ZYX: variants seen among roughly 807,000 people sequenced by gnomAD.
ZYX encodes zyxin.
A neutral mutation model predicts 58.1 loss-of-function variants in ZYX; 37 were observed. That is an observed-to-expected ratio of 0.64 (90% CI 0.49 to 0.84). ZYX has a LOEUF of 0.84. Among genes scored for constraint, ZYX ranks in the 40% least tolerant of loss-of-function variants. The pLI is 0.00. For missense variants in ZYX, 762 were observed against 761.6 expected (o/e 1.00, Z -0.01); for synonymous variants, 324 against 321.1 (o/e 1.01, Z -0.10).
chr7:143,389,775 T>C lies in ZYX; in HGVS notation c.1494-82T>C. The C allele has an allele frequency of 5.1e-6, 8 of 1,570,458 alleles. No individual in the cohort carries two copies. The highest frequency in any genetic ancestry group is 1.1e-5 in the South Asian group (1 of 87,022). On this transcript the variant is annotated intron_variant, in intron 8 of 9. Coordinates refer to ENST00000322764, the MANE Select transcript of ZYX (RefSeq NM_003461.5). This position sits in a 1 kb window ranked among gnomAD's most constrained non-coding sequence, Gnocchi z 5.6. ...TGCAGGGCAGAGAAGTCTGCTTCCT[T>C]GCTGCCCAACCTGGCTTATGCGTGC...
intron 3 of ZYX, 25 bp downstream of exon 3, chr7:143,382,472 T>G: frequency 6.3e-7 from 1 of 1,586,534 alleles, no homozygotes. Flanking sequence ...GAGGGGCGGC[T>G]GCACTGGACA....
intron 3 of ZYX, 57 bp from the exon 4 acceptor site, chr7:143,382,536 C>A: frequency 1.2e-6 from 2 of 1,601,814 alleles, no homozygotes; most frequent in Non-Finnish European, 1.7e-6. Context: ...TGCACCTCTG[C>A]CTTGGGGGTG....
At position 143,389,829 on chromosome 7, in the gene ZYX, C is replaced by T. The variant is rs1298250525; in HGVS notation, c.1494-28C>T. 1 of 1,612,210 alleles carries T rather than the reference C, an allele frequency of 6.2e-7. No homozygotes were observed. On this transcript the variant is annotated intron_variant, in intron 8 of 9. Coordinates refer to ENST00000322764, the MANE Select transcript of ZYX (RefSeq NM_003461.5). The surrounding 1 kb of genome is among the most constrained non-coding windows in gnomAD (Gnocchi z 5.6). ...CACCGGGGATGAAAGCCCTGGCTAA[C>T]TCGGCTGGCCCTTTCTGCCCCTTCC...
At position 143,390,246 on chromosome 7, in the gene ZYX, A is replaced by T. The variant is rs550420667; in HGVS notation, c.1614+269A>T. On this transcript the variant is annotated intron_variant, in intron 9 of 9. Transcript: ENST00000322764. The surrounding 1 kb of genome is among the most constrained non-coding windows in gnomAD (Gnocchi z 4.3). Reference sequence around the variant, plus strand: ...GGAGAGAAGAAGGGCATGGTGTTTTACCGTGGTAGGGGATGGGGAAACAGG... The same window carrying T: ...GGAGAGAAGAAGGGCATGGTGTTTTTCCGTGGTAGGGGATGGGGAAACAGG... 1.9e-3 allele frequency: 1,063 copies of T among 547,358 alleles called. 5 individuals carry two copies. The highest frequency in any genetic ancestry group is 6.9e-3 in the Middle Eastern group (14 of 2,016). 33.9% of individuals were successfully genotyped at this position (547,358 alleles called of 1,614,324 possible).
intron 3 of ZYX, 25 bp from the exon 4 acceptor site, chr7:143,382,568 G>A: frequency 6.2e-7 from 1 of 1,612,520 alleles, no homozygotes; most frequent in Non-Finnish European, 8.5e-7. Context: ...GCATGGAATA[G>A]GTGCTCTGAC....
rs374169410 is a variant in ZYX, at chr7:143,388,223, G to A, written c.1028G>A (p.Arg343His). 137 of 1,602,912 alleles carry A rather than the reference G, an allele frequency of 8.5e-5. No individual in the cohort carries two copies. Among genetic ancestry groups the A allele is most frequent in the Non-Finnish European group, 1.1e-4 (125 of 1,174,696 alleles). Residue 343 changes from arginine to histidine, a missense_variant, in exon 6 of 10, where the codon CGC (arginine) becomes CAC (histidine). Transcript: ENST00000322764. This position sits in a 1 kb window ranked among gnomAD's most constrained non-coding sequence, Gnocchi z 7.5. ...PPPAQNQNQVRSPGAPGPLTL... is the reference protein window; with the variant it reads ...PPPAQNQNQVHSPGAPGPLTL... ...AGGAAAATGTTGGGATTGCAGGTGC[G>A]CTCCCCTGGGGCCCCAGGGCCCCTG...
At chr7:143,382,756 G>T in intron 4 of ZYX, 45 bp from the exon 5 acceptor site, 1 of 1,613,082 alleles carries the variant, frequency 6.2e-7, no homozygotes, top group Non-Finnish European at 8.5e-7. Context: ...AAGGAGGATG[G>T]TGTCCTCCTG....
Position 143,381,730 on chromosome 7 carries a change from G to A in ZYX, c.159G>A (p.Gln53=), listed in dbSNP as rs2116548769. The A allele has an allele frequency of 1.3e-6, 2 of 1,599,796 alleles. No homozygotes were observed. Among genetic ancestry groups the A allele is most frequent in the South Asian group, 2.2e-5 (2 of 89,392 alleles). Residue 53 remains glutamine, a synonymous_variant, in exon 2 of 10, where the codon CAG becomes CAA. Coordinates refer to ENST00000322764, the MANE Select transcript of ZYX (RefSeq NM_003461.5). ...DSEPPPAPGA[Q]RAQMGRVGEI... ...AGCCTCCCCCGGCACCCGGGGCCCA[G>A]CGCGCACAGATGGGCCGGGTGGGCG...
rs1805018089 is a variant in ZYX at position 143,390,147 on chromosome 7, G to A, written c.1614+170G>A. On this transcript the variant is annotated intron_variant, in intron 9 of 9. Transcript: ENST00000322764. This position sits in a 1 kb window ranked among gnomAD's most constrained non-coding sequence, Gnocchi z 4.3. ...TCCTGCCAGAATGCTTCCTGCCACT[G>A]CAGGAAATGGGGCTGTGGGGCTTCT... 1 of 915,812 alleles carries A rather than the reference G, an allele frequency of 1.1e-6. No homozygotes were observed. Among genetic ancestry groups the A allele is most frequent in the Non-Finnish European group, 1.6e-6 (1 of 618,028 alleles). 56.7% of individuals were successfully genotyped at this position (915,812 alleles called of 1,614,324 possible).
Position 143,390,483 on chromosome 7 carries a change from T to C in ZYX, c.1615-95T>C. On this transcript the variant is annotated intron_variant, in intron 9 of 9. Coordinates refer to ENST00000322764, the MANE Select transcript of ZYX (RefSeq NM_003461.5). The surrounding 1 kb of genome is among the most constrained non-coding windows in gnomAD (Gnocchi z 4.3). ...CACCAGCTCTGAGCCATGAAGCATC[T>C]TTCTAATTCCAAGATGGAGCTGGAT... The C allele has an allele frequency of 1.1e-6, 1 of 922,426 alleles. No individual in the cohort carries two copies. The highest frequency in any genetic ancestry group is 1.5e-5 in the South Asian group (1 of 65,974). The allele number at this position is 922,426 out of a possible 1,614,324, so 57.1% of individuals were successfully genotyped here.
At position 143,388,502 on chromosome 7, in the gene ZYX, A is replaced by G; in HGVS notation, c.1158A>G (p.Arg386=). The change falls in exon 7 of 10, where the codon CGA becomes CGG. Residue 386 remains arginine, a synonymous_variant. Transcript: ENST00000322764. The surrounding 1 kb of genome is among the most constrained non-coding windows in gnomAD (Gnocchi z 7.5). ...QNVAVNELCG[R]CHQPLARAQP... ...TGGCCTTCCCAGAACTCTGCGGCCG[A>G]TGCCATCAACCCCTGGCCCGGGCGC... 6.2e-7 allele frequency: 1 copy of G among 1,610,068 alleles called. No individual in the cohort carries two copies. The highest frequency in any genetic ancestry group is 8.5e-7 in the Non-Finnish European group (1 of 1,179,592).
intron 2 of ZYX, 144 bp from the exon 3 acceptor site, chr7:143,382,104 C>A: frequency 1.6e-6 from 1 of 615,132 alleles, no homozygotes. Context: ...ACTCCCAGGG[C>A]GCCCTGCGCC....
chr7:143,390,227 A>G lies in ZYX; in HGVS notation c.1614+250A>G. On this transcript the variant is annotated intron_variant, in intron 9 of 9. Transcript: ENST00000322764. The surrounding 1 kb of genome is among the most constrained non-coding windows in gnomAD (Gnocchi z 4.3). ...GAAATGGGACAAGCCAATAGGAGAG[A>G]AGAAGGGCATGGTGTTTTACCGTGG... is the stretch of plus-strand genomic sequence containing the variant. The G allele has an allele frequency of 1.8e-6, 1 of 559,322 alleles. No individual in the cohort carries two copies. The highest frequency in any genetic ancestry group is 3.2e-6 in the Non-Finnish European group (1 of 313,808). The allele number at this position is 559,322 out of a possible 1,614,324, so 34.6% of individuals were successfully genotyped here. A position where few individuals can be genotyped will look rare whatever the true frequency, so the allele number is the denominator to read the frequency against.
At chr7:143,385,121 G>T (rs1804807919) in intron 5 of ZYX, among the ~76,000 whole-genome samples, 1 of 152,178 alleles carries the variant, frequency 6.6e-6, no homozygotes, top group African/African-American at 2.4e-5. Context: ...GAGCTCCTCA[G>T]TGGGGTATTT....
At position 143,384,289 on chromosome 7, in the gene ZYX, A is replaced by G; in HGVS notation, c.1023+967A>G. The G allele has an allele frequency of 2.1e-6, 1 of 471,032 alleles. No homozygotes were observed. The highest frequency in any genetic ancestry group is 4.4e-6 in the Non-Finnish European group (1 of 226,862). 29.2% of individuals were successfully genotyped at this position (471,032 alleles called of 1,614,324 possible). A position where few individuals can be genotyped will look rare whatever the true frequency, so the allele number is the denominator to read the frequency against. On this transcript the variant is annotated intron_variant, in intron 5 of 9. Coordinates refer to ENST00000322764, the MANE Select transcript of ZYX (RefSeq NM_003461.5). This position sits in a 1 kb window ranked among gnomAD's most constrained non-coding sequence, Gnocchi z 4.9. ...GACCAGGGAGTCAACTCGGGGAGTC[A>G]AATTAGGAAAGGCTTCGAAGGATGG... is the stretch of plus-strand genomic sequence containing the variant.
Position 143,382,931 on chromosome 7 carries a change from A to G in ZYX, c.632A>G (p.Gln211Arg). The G allele has an allele frequency of 6.2e-7, 1 of 1,613,964 alleles. No individual in the cohort carries two copies. The highest frequency in any genetic ancestry group is 8.5e-7 in the Non-Finnish European group (1 of 1,179,956). Residue 211 changes from glutamine to arginine, a missense_variant, in exon 5 of 10, where the codon CAG (glutamine) becomes CGG (arginine). Transcript: ENST00000322764. Reference protein sequence around the residue: ...KSPSSSQPLPQVPAPAQSQTQ... With the variant: ...KSPSSSQPLPRVPAPAQSQTQ... ...CCTTCCAGCTCCCAGCCTCTGCCCC[A>G]GGTTCCGGCTCCGGCTCAGAGCCAG...
rs752998943 is a variant in ZYX at position 143,384,255 on chromosome 7, AG to A, written c.1023+935del. 2.5e-5 allele frequency: 12 copies of A among 471,596 alleles called. No homozygotes were observed. In the East Asian group the frequency reaches 7.6e-4, roughly 30 times the overall value. The allele number at this position is 471,596 out of a possible 1,614,324, so 29.2% of individuals were successfully genotyped here. On this transcript the variant is annotated intron_variant, in intron 5 of 9. Coordinates refer to ENST00000322764, the MANE Select transcript of ZYX (RefSeq NM_003461.5). This position sits in a 1 kb window ranked among gnomAD's most constrained non-coding sequence, Gnocchi z 4.9. ...AGCTTTGCAGAATCCTGTGAGTCACAGGCACTCAGACCAGGGAGTCAACTCG... is the reference window on the plus strand; with the variant it reads ...AGCTTTGCAGAATCCTGTGAGTCACAGCACTCAGACCAGGGAGTCAACTCG...
chr7:143,382,646 G>A lies in ZYX; in HGVS notation c.462G>A (p.Leu154=). Residue 154 remains leucine (L), a synonymous_variant, in exon 4 of 10, where the codon CTG becomes CTA. Transcript: ENST00000322764. ...IDLEIDSLSS[L]LDDMTKNDPF... ...TGGAGATCGACTCTCTGTCCTCACT[G>A]CTGGATGACATGACCAAGAATGATC... The A allele has an allele frequency of 6.2e-7, 1 of 1,614,110 alleles. No individual in the cohort carries two copies.
At position 143,390,268 on chromosome 7, in the gene ZYX, CAG is replaced by C. The variant is rs1462018429; in HGVS notation, c.1614+292_1614+293del. ...TTTACCGTGGTAGGGGATGGGGAAA[CAG>C]GAGCTGAGAGAAGAGGTCTTCGAAT... On this transcript the variant is annotated intron_variant, in intron 9 of 9. Coordinates refer to ENST00000322764, the MANE Select transcript of ZYX (RefSeq NM_003461.5). The surrounding 1 kb of genome is among the most constrained non-coding windows in gnomAD (Gnocchi z 4.3). The C allele has an allele frequency of 1.3e-5, 7 of 542,548 alleles. No homozygotes were observed. The highest frequency in any genetic ancestry group is 4.9e-4 in the Middle Eastern group (1 of 2,030). 33.6% of individuals were successfully genotyped at this position (542,548 alleles called of 1,614,324 possible).
Sources: allele counts gnomAD v4.1 joint callset (sites outside exome capture counted in the v4.1 genomes callset), GRCh38; gene constraint gnomAD v4.1.1; non-coding constraint Gnocchi (gnomAD v3.1); transcripts MANE v1.5; gene names NCBI Gene and HGNC (gene_info 2026-07-23, HGNC 2026-07-21).